MED23: variants seen among roughly 807,000 people sequenced by gnomAD.
MED23 encodes mediator of RNA polymerase II transcription subunit 23.
In MED23, 105 loss-of-function variants were observed where a neutral mutation model predicts 163.9. That is an observed-to-expected ratio of 0.64 (90% CI 0.55 to 0.75). The LOEUF is 0.75. Ranked by LOEUF, MED23 falls within the 30% of genes least tolerant of loss-of-function variation. The probability of loss-of-function intolerance (pLI) is 0.00; values close to 1 mark genes in which losing one functional copy is unlikely to be tolerated. For missense variants in MED23, 1,054 were observed against 1,649.0 expected (o/e 0.64, Z 6.25); for synonymous variants, 561 against 565.6 (o/e 0.99, Z 0.12).
chr6:131,582,050 TATA>T (rs1320582459), downstream of MED23, among the ~76,000 whole-genome samples: 4 of 152,282 alleles, frequency 2.6e-5, no homozygotes, highest in South Asian at 4.1e-4. Context: ...TTGATACAAT[TATA>T]ATATTTGGTC....
intron 30 of MED23, among the ~76,000 whole-genome samples, chr6:131,579,863 A>AGAG (rs1305866304): frequency 6.6e-6 from 1 of 151,868 alleles, no homozygotes; most frequent in Non-Finnish European, 1.5e-5. Flanking sequence ...TGTGTGAGAG[A>AGAG]GAGAGAGAGA....
intron 11 of MED23, among the ~76,000 whole-genome samples, chr6:131,609,816 A>G (rs943941719): frequency 1.3e-5 from 2 of 150,534 alleles, no homozygotes; most frequent in Admixed American, 6.6e-5. Flanking sequence ...GTGCCTTTTC[A>G]TCTTGTATCT....
At chr6:131,574,099 A>G (rs1773498237) in exon 31 of MED23, 2 of 697,790 alleles carry the variant, frequency 2.9e-6, no homozygotes, top group Non-Finnish European at 5.2e-6. Flanking sequence ...ATTCTAGTAA[A>G]GAGAGTGTGA....
chr6:131,594,436 G>T, intron 22 of MED23, 101 bp from the exon 23 acceptor site: 1 of 916,398 alleles, frequency 1.1e-6, no homozygotes, highest in Non-Finnish European at 1.8e-6. Flanking sequence ...CAGCTCAGAA[G>T]ATTTATGAAA....
intron 28 of MED23, among the ~76,000 whole-genome samples, chr6:131,588,846 G>C (rs1202115061): frequency 2.0e-5 from 3 of 152,020 alleles, no homozygotes; most frequent in Non-Finnish European, 4.4e-5. Context: ...GCTAAGTCAG[G>C]GTGGCCTCCC....
chr6:131,618,342 T>C (rs1209875175), intron 9 of MED23, 65 bp downstream of exon 9: 2 of 1,038,770 alleles, frequency 1.9e-6, no homozygotes, highest in Non-Finnish European at 3.0e-6. Context: ...TAGCATCACA[T>C]ATCTTATAAT....
At chr6:131,605,043 A>G (rs200445935) in intron 14 of MED23, among the ~76,000 whole-genome samples, 197 bp downstream of exon 14, 2 of 152,192 alleles carry the variant, frequency 1.3e-5, no homozygotes, top group Admixed American at 1.3e-4. Context: ...GATTACAACA[A>G]TTACTTTCTT....
chr6:131,579,186 A>T (rs1422422629), intron 30 of MED23: 27 of 1,614,156 alleles, frequency 1.7e-5, no homozygotes, highest in Non-Finnish European at 2.3e-5. Flanking sequence ...ATTGTGAAGA[A>T]TCCAAGGTCT....
At chr6:131,590,564 G>A in intron 26 of MED23, 122 bp from the exon 27 acceptor site, 1 of 611,924 alleles carries the variant, frequency 1.6e-6, no homozygotes, top group Non-Finnish European at 2.8e-6. Context: ...CTTTTAATTT[G>A]GTAACAATAA....
Position 131,581,400 on chromosome 6 carries a change from T to A in MED23, c.4095+6309A>T, listed in dbSNP as rs145181256. On this transcript the variant is annotated intron_variant, in intron 30 of 30. Transcript: ENST00000354577. ...AAAGGTAAAAGACTGGTTGGTACTC[T>A]AGTGCAATAGAATACTTTTTAGTAG... The A allele has an allele frequency of 2.8e-4, 446 of 1,604,178 alleles. 1 individual carries two copies. In the African/African-American group the frequency reaches 3.4e-3, roughly 12 times the overall value.
Position 131,586,883 on chromosome 6 carries a change from T to C in MED23, c.*796A>G. The C allele has an allele frequency of 2.1e-6, 3 of 1,458,012 alleles. No individual in the cohort carries two copies. Among genetic ancestry groups the C allele is most frequent in the Non-Finnish European group, 2.8e-6 (3 of 1,078,314 alleles). The allele number at this position is 1,458,012 out of a possible 1,614,324, so 90.3% of individuals were successfully genotyped here. ...TATTTACAAATATAAAATTTAAAAA[T>C]TTTAAGATTATAAAAATTGAAGAAT... On this transcript the variant is annotated 3_prime_UTR_variant, in exon 29 of 29. Transcript: ENST00000368068.
intron 18 of MED23, 137 bp downstream of exon 18, chr6:131,599,901 G>T (rs1475995677): frequency 1.9e-6 from 2 of 1,063,298 alleles, no homozygotes; most frequent in East Asian, 2.7e-5. Flanking sequence ...GTGCCACCAT[G>T]CCCAGCCCCT....
intron 30 of MED23, among the ~76,000 whole-genome samples, chr6:131,577,346 G>A (rs1027495367): frequency 2.0e-5 from 3 of 152,172 alleles, no homozygotes; most frequent in African/African-American, 7.2e-5. Flanking sequence ...TAGGTGGGCA[G>A]TTTCTCAGGT....
intron 8 of MED23, among the ~76,000 whole-genome samples, chr6:131,619,344 T>A (rs10499183): frequency 6.6e-6 from 1 of 152,052 alleles, no homozygotes; most frequent in African/African-American, 2.4e-5. Context: ...AAAGAGGATA[T>A]GTGGGCACTG....
At position 131,599,971 on chromosome 6, in the gene MED23, A is replaced by G. The variant is rs905158332; in HGVS notation, c.2220+67T>C. 4 of 1,568,810 alleles carry G rather than the reference A, an allele frequency of 2.5e-6. No homozygotes were observed. In the African/African-American group the frequency reaches 5.4e-5, roughly 21 times the overall value. ...TTCAGAAGTCACCAAGACTCACTCT[A>G]GAACACCATTGTGAATGGGAAGAAG... is the stretch of plus-strand genomic sequence containing the variant. On this transcript the variant is annotated intron_variant, in intron 18 of 28. Coordinates refer to ENST00000368068, the MANE Select transcript of MED23 (RefSeq NM_004830.4).
intron 15 of MED23, 48 bp downstream of exon 15, chr6:131,604,130 G>A: frequency 1.3e-6 from 2 of 1,580,470 alleles, no homozygotes; most frequent in Non-Finnish European, 1.7e-6. Context: ...TAACTTTAGA[G>A]TTAATGAATG....
intron 10 of MED23, among the ~76,000 whole-genome samples, chr6:131,610,808 G>A (rs1776227678): frequency 6.6e-6 from 1 of 152,102 alleles, no homozygotes; most frequent in Non-Finnish European, 1.5e-5. Context: ...TATTCGTCCT[G>A]ATACTGAAAT....
At chr6:131,608,560 A>G (rs1299218773) in intron 11 of MED23, among the ~76,000 whole-genome samples, 3 of 151,388 alleles carry the variant, frequency 2.0e-5, no homozygotes, top group Non-Finnish European at 4.4e-5. Context: ...TTTCTTGTTT[A>G]TTTATATGTA....
intron 30 of MED23, chr6:131,576,583 T>C: frequency 3.0e-6 from 4 of 1,345,718 alleles, no homozygotes; most frequent in Non-Finnish European, 4.3e-6. Flanking sequence ...TTCAACTGAT[T>C]AAATAATGAA....
Sources: allele counts gnomAD v4.1 joint callset (sites outside exome capture counted in the v4.1 genomes callset), GRCh38; gene constraint gnomAD v4.1.1; transcripts MANE v1.5; gene names NCBI Gene and HGNC (gene_info 2026-07-23, HGNC 2026-07-21).